The following CSMD3 variants were observed in gnomAD, a reference collection of about 807,000 sequenced individuals.
CSMD3 encodes the protein CUB and Sushi multiple domains 3.
A neutral mutation model predicts 435.2 loss-of-function variants in CSMD3; 177 were observed. That is an observed-to-expected ratio of 0.41 (90% CI 0.36 to 0.46). The LOEUF (loss-of-function observed/expected upper bound fraction) is 0.46, where lower values mean the gene tolerates loss of function less well. Ranked by LOEUF, CSMD3 falls within the 20% of genes least tolerant of loss-of-function variation. The pLI is 0.34. For synonymous variants in CSMD3, 1,656 were observed against 1,520.5 expected, an observed-to-expected ratio of 1.09 and a Z score of -2.07; for missense variants, 4,265 against 4,504.6, an observed-to-expected ratio of 0.95 and a Z score of 1.52.
At chr8:112,560,907 T>C (rs1469041881) in intron 24 of CSMD3, among the ~76,000 whole-genome samples, 1 of 151,696 alleles carries the variant, frequency 6.6e-6, no homozygotes, top group African/African-American at 2.4e-5. Context: ...TTTCTCAAAA[T>C]AAAAATGGAA....
At chr8:113,325,103 G>A (rs2093974893) in intron 1 of CSMD3, among the ~76,000 whole-genome samples, 1 of 152,224 alleles carries the variant, frequency 6.6e-6, no homozygotes, top group African/African-American at 2.4e-5. Flanking sequence ...CTCACAGATG[G>A]AAAGGACTTG....
intron 66 of CSMD3, among the ~76,000 whole-genome samples, chr8:112,238,802 C>T (rs1349322633): frequency 1.3e-5 from 2 of 151,620 alleles, no homozygotes; most frequent in African/African-American, 4.8e-5. Flanking sequence ...GCACTTTAAT[C>T]TCTTAATGTG....
chr8:112,285,707 T>A (rs931273264), intron 58 of CSMD3, among the ~76,000 whole-genome samples: 2 of 152,048 alleles, frequency 1.3e-5, no homozygotes, highest in African/African-American at 4.8e-5. Context: ...GTAAAATATT[T>A]TTCTTTTTCC....
At chr8:113,007,398 G>A (rs1198799959) in intron 6 of CSMD3, among the ~76,000 whole-genome samples, 1 of 151,896 alleles carries the variant, frequency 6.6e-6, no homozygotes, top group Non-Finnish European at 1.5e-5. Context: ...TATAATTAGT[G>A]TGTTTCTAAG....
intron 22 of CSMD3, among the ~76,000 whole-genome samples, chr8:112,605,912 C>A (rs1443750948): frequency 1.3e-5 from 2 of 152,068 alleles, no homozygotes; most frequent in Non-Finnish European, 2.9e-5. Context: ...GTCAATCCTG[C>A]CCTTCATTCT....
intron 1 of CSMD3, among the ~76,000 whole-genome samples, chr8:113,327,651 T>A (rs2093993197): frequency 6.6e-6 from 1 of 152,152 alleles, no homozygotes; most frequent in South Asian, 2.1e-4. Context: ...CCCAGAAGAC[T>A]GTCGCTATTT....
intron 10 of CSMD3, among the ~76,000 whole-genome samples, chr8:112,897,192 A>T (rs2081971699): frequency 6.6e-6 from 1 of 151,420 alleles, no homozygotes; most frequent in South Asian, 2.1e-4. Context: ...TATTTTTATA[A>T]AACTGCACTT....
At chr8:112,663,381 C>T (rs143900409) in intron 17 of CSMD3, among the ~76,000 whole-genome samples, 8 of 149,968 alleles carry the variant, frequency 5.3e-5, no homozygotes, top group Non-Finnish European at 7.4e-5. Flanking sequence ...CAAACTATCG[C>T]GAGGACAAAA....
At chr8:113,316,298 C>T (rs1478678) in intron 1 of CSMD3, among the ~76,000 whole-genome samples, 49,529 of 152,024 alleles carry the variant, frequency 0.33, 10,011 homozygotes, top group Non-Finnish European at 0.47. Flanking sequence ...CCAAAAGCAT[C>T]TATGTTTGGA....
chr8:113,154,540 T>A (rs2091895490), intron 4 of CSMD3, among the ~76,000 whole-genome samples: 2 of 152,010 alleles, frequency 1.3e-5, no homozygotes, highest in South Asian at 4.1e-4. Context: ...GAATACAATC[T>A]TAGGGAGCTC....
chr8:113,372,121 T>TA (rs2094349219), intron 1 of CSMD3, among the ~76,000 whole-genome samples: 1 of 152,210 alleles, frequency 6.6e-6, no homozygotes, highest in Non-Finnish European at 1.5e-5. Context: ...GTGCAATTTT[T>TA]ATCTTATATT....
At chr8:113,344,728 A>G (rs1177959963) in intron 1 of CSMD3, among the ~76,000 whole-genome samples, 1 of 152,100 alleles carries the variant, frequency 6.6e-6, no homozygotes, top group East Asian at 1.9e-4. Flanking sequence ...GTGTTCATAA[A>G]TCCATAAGTG....
At chr8:112,852,120 G>C (rs550269058) in intron 11 of CSMD3, among the ~76,000 whole-genome samples, 11 of 152,198 alleles carry the variant, frequency 7.2e-5, no homozygotes, top group African/African-American at 1.9e-4. Flanking sequence ...CCTGAAAAAG[G>C]GACTAGTGAT....
intron 1 of CSMD3, among the ~76,000 whole-genome samples, chr8:113,423,314 ATAT>A (rs1403610780): frequency 3.9e-5 from 6 of 152,018 alleles, no homozygotes; most frequent in African/African-American, 1.4e-4. Flanking sequence ...CTAACCTCAC[ATAT>A]TATCATTCTT....
intron 13 of CSMD3, among the ~76,000 whole-genome samples, chr8:112,790,715 A>T (rs578022324): frequency 3.3e-5 from 5 of 152,166 alleles, no homozygotes; most frequent in Non-Finnish European, 7.3e-5. Flanking sequence ...CCACTTCAAC[A>T]TTTAAAAAAT....
intron 27 of CSMD3, among the ~76,000 whole-genome samples, chr8:112,533,997 C>G (rs1336580437): frequency 6.6e-6 from 1 of 151,942 alleles, no homozygotes; most frequent in Non-Finnish European, 1.5e-5. Context: ...AATTAAATGA[C>G]ATGCTCCTGA....
At chr8:113,180,342 C>T (rs1261351251) in intron 3 of CSMD3, among the ~76,000 whole-genome samples, 2 of 151,948 alleles carry the variant, frequency 1.3e-5, no homozygotes, top group Non-Finnish European at 2.9e-5. Context: ...TCACACAGGA[C>T]ATAAATGGTA....
At chr8:113,095,438 C>T (rs1192150939) in intron 5 of CSMD3, among the ~76,000 whole-genome samples, 2 of 152,134 alleles carry the variant, frequency 1.3e-5, no homozygotes, top group Non-Finnish European at 2.9e-5. Context: ...TCCAGTCAGC[C>T]TATCACCTAC....
intron 13 of CSMD3, among the ~76,000 whole-genome samples, chr8:112,708,732 C>T (rs575151601): frequency 4.2e-5 from 4 of 95,968 alleles, no homozygotes; most frequent in African/African-American, 2.3e-4. Context: ...CAAAAAAAAC[C>T]TACAAAAAAA....
Sources: gnomAD v4.1 joint callset for allele counts (sites outside exome capture counted in the v4.1 genomes callset) on GRCh38, gnomAD v4.1.1 for gene constraint, MANE v1.5 for transcripts, NCBI Gene and HGNC (gene_info 2026-07-23, HGNC 2026-07-21) for gene names.